The following IQANK1 variants were observed in gnomAD, a reference collection of about 807,000 sequenced individuals.
IQANK1 encodes IQ motif and ankyrin repeat domain-containing protein 1.
In IQANK1, 30 loss-of-function variants were observed where a neutral mutation model predicts 22.6. That is an observed-to-expected ratio of 1.33 (90% CI 0.99 to 1.80). The LOEUF (loss-of-function observed/expected upper bound fraction) is 1.80. IQANK1 is among the 40% of genes most tolerant of loss of function. The pLI is 0.00. For synonymous variants in IQANK1, 122 were observed against 99.6 expected, an observed-to-expected ratio of 1.23 and a Z score of -1.34; for missense variants, 275 against 235.2, an observed-to-expected ratio of 1.17 and a Z score of -1.11.
intron 2 of IQANK1, 38 bp from the exon 3 acceptor site, chr8:143,739,821 C>T (rs1377361299): frequency 1.5e-6 from 1 of 679,736 alleles, no homozygotes; most frequent in African/African-American, 1.8e-5. Context: ...GGATGGGGGT[C>T]TCTCATCCCA....
chr8:143,749,698 G>C (rs997987397), intron 3 of IQANK1, among the ~76,000 whole-genome samples: 1 of 148,290 alleles, frequency 6.7e-6, no homozygotes, highest in Non-Finnish European at 1.5e-5. Context: ...TGGTACCTGG[G>C]ATTATAGGTG....
intron 1 of IQANK1, among the ~76,000 whole-genome samples, chr8:143,734,445 C>A (rs1418133167): frequency 1.3e-5 from 2 of 151,334 alleles, no homozygotes; most frequent in Non-Finnish European, 3.0e-5. Context: ...CCCCTCACAC[C>A]GATGCCCACA....
Position 143,771,720 on chromosome 8 carries a change from G to A in IQANK1, c.307-81G>A, listed in dbSNP as rs953734231. The A allele has an allele frequency of 7.6e-6, 3 of 397,112 alleles. No individual in the cohort carries two copies. Among genetic ancestry groups the A allele is most frequent in the Admixed American group, 4.4e-5 (1 of 22,638 alleles). The allele number at this position is 397,112 out of a possible 1,614,324, so 24.6% of individuals were successfully genotyped here. On this transcript the variant is annotated intron_variant, in intron 4 of 13. Transcript: ENST00000527139. This position sits in a 1 kb window ranked among gnomAD's most constrained non-coding sequence, Gnocchi z 6.0. ...GGGGGTGAGGCTCAGATCGGGCTCC[G>A]ACCTCAGAGGCGTGGACCGTGGCCT...
intron 3 of IQANK1, chr8:143,744,022 C>T: frequency 6.4e-6 from 2 of 314,498 alleles, no homozygotes; most frequent in Non-Finnish European, 6.3e-6. Context: ...TTAGTAGAGA[C>T]AGGGTTTCAC....
chr8:143,774,762 G>A lies in IQANK1; in HGVS notation c.789+2280G>A, dbSNP rs1303966790. 2.0e-5 allele frequency among the ~76,000 whole-genome samples: 3 copies of A among 152,240 alleles called. No homozygotes were observed. The highest frequency in any genetic ancestry group is 4.8e-5 in the African/African-American group (2 of 41,456). Reference sequence around the variant, plus strand: ...GTGGAAACGACTCAGATGTCCTCCAGCAGGCGAGTGGCTCCACTAGCTTGG... The same window carrying A: ...GTGGAAACGACTCAGATGTCCTCCAACAGGCGAGTGGCTCCACTAGCTTGG... On this transcript the variant is annotated intron_variant, in intron 7 of 13. Transcript: ENST00000527139. This position sits in a 1 kb window ranked among gnomAD's most constrained non-coding sequence, Gnocchi z 4.2.
rs1818653506 is a variant in IQANK1 at position 143,734,186 on chromosome 8, C to T, written c.-38C>T. ...CCGACGCCAGGGGCGGAGCTCTGGCCTCCTCGCCGAGTTGGGGGAGGCAGG... is the reference window on the plus strand; with the variant it reads ...CCGACGCCAGGGGCGGAGCTCTGGCTTCCTCGCCGAGTTGGGGGAGGCAGG... On this transcript the variant is annotated 5_prime_UTR_variant, in exon 1 of 14. Coordinates refer to ENST00000527139, the MANE Select transcript of IQANK1 (RefSeq NM_001381874.1). 1 of 152,202 alleles carries T rather than the reference C, an allele frequency of 6.6e-6. No homozygotes were observed. 9.4% of individuals were successfully genotyped at this position (152,202 alleles called of 1,614,324 possible). A position where few individuals can be genotyped will look rare whatever the true frequency, so the allele number is the denominator to read the frequency against.
chr8:143,768,807 A>G (rs946572701), intron 3 of IQANK1, among the ~76,000 whole-genome samples: 16 of 152,120 alleles, frequency 1.1e-4, no homozygotes, highest in African/African-American at 3.9e-4. Flanking sequence ...CCTTCCCAAG[A>G]TTGCTTATTG....
At chr8:143,782,777 C>T (rs1819820503) in intron 7 of IQANK1, among the ~76,000 whole-genome samples, 1 of 152,224 alleles carries the variant, frequency 6.6e-6, no homozygotes, top group Admixed American at 6.5e-5. Context: ...TGCCTGGCCT[C>T]TTGCTTTTCT....
intron 7 of IQANK1, among the ~76,000 whole-genome samples, chr8:143,787,036 G>C (rs1178444304): frequency 6.6e-6 from 1 of 152,186 alleles, no homozygotes; most frequent in Non-Finnish European, 1.5e-5. Flanking sequence ...TTGACGCCTA[G>C]GGGAAACTGC....
chr8:143,790,255 C>T lies in IQANK1; in HGVS notation c.1408C>T (p.Leu470=), dbSNP rs1295012482. ...PLRPETMWLA[L]LGALRYGKPL... is the part of the protein sequence containing the mutation. ...GAGGCCGGAGACGATGTGGCTGGCTCTGCTGGGGGCTCTGCGGTGAGGCAG... is the reference window on the plus strand; with the variant it reads ...GAGGCCGGAGACGATGTGGCTGGCTTTGCTGGGGGCTCTGCGGTGAGGCAG... The change falls in exon 13 of 14, where the codon CTG becomes TTG. Residue 470 remains leucine, a synonymous_variant. Coordinates refer to ENST00000527139, the MANE Select transcript of IQANK1 (RefSeq NM_001381874.1). The T allele has an allele frequency of 8.1e-7, 1 of 1,232,140 alleles. No individual in the cohort carries two copies. Among genetic ancestry groups the T allele is most frequent in the Non-Finnish European group, 1.0e-6 (1 of 988,018 alleles). The allele number at this position is 1,232,140 out of a possible 1,614,324, so 76.3% of individuals were successfully genotyped here.
intron 3 of IQANK1, among the ~76,000 whole-genome samples, chr8:143,764,425 G>A (rs1158550918): frequency 5.3e-5 from 8 of 149,690 alleles, no homozygotes; most frequent in African/African-American, 2.0e-4. Flanking sequence ...GACCAGCCTG[G>A]GCAACATGGT....
intron 3 of IQANK1, among the ~76,000 whole-genome samples, chr8:143,753,878 ACT>A (rs1373477067): frequency 1.3e-5 from 2 of 151,582 alleles, no homozygotes; most frequent in African/African-American, 2.4e-5. Flanking sequence ...TAATGTGGTA[ACT>A]CTGGAAATCA....
intron 3 of IQANK1, among the ~76,000 whole-genome samples, chr8:143,743,449 T>G (rs553019894): frequency 6.6e-6 from 1 of 152,316 alleles, no homozygotes; most frequent in African/African-American, 2.4e-5. Context: ...TTTTTTCGTC[T>G]TTACAATTTT....
Position 143,775,135 on chromosome 8 carries a change from G to A in IQANK1, c.789+2653G>A, listed in dbSNP as rs1399793109. ...GATACACACACACACACGAGTAGAT[G>A]TGAAATAGTTGAAATCCACTGTGAG... On this transcript the variant is annotated intron_variant, in intron 7 of 13. Transcript: ENST00000527139. 6.6e-5 allele frequency among the ~76,000 whole-genome samples: 10 copies of A among 150,740 alleles called. 1 individual carries two copies. Among genetic ancestry groups the A allele is most frequent in the Non-Finnish European group, 1.5e-4 (10 of 67,714 alleles).
At chr8:143,787,538 C>T (rs570260343) in intron 7 of IQANK1, among the ~76,000 whole-genome samples, 1 of 152,348 alleles carries the variant, frequency 6.6e-6, no homozygotes, top group East Asian at 1.9e-4. Context: ...TCCCTCTCGT[C>T]TGCTGTGTCT....
chr8:143,743,710 C>T (rs1818970296), intron 3 of IQANK1: 1 of 312,620 alleles, frequency 3.2e-6, no homozygotes, highest in Non-Finnish European at 6.3e-6. Context: ...GAAACGGCAT[C>T]TGCCTCACAG....
chr8:143,776,348 AAAAG>A (rs1439902521), intron 7 of IQANK1, among the ~76,000 whole-genome samples: 35 of 151,454 alleles, frequency 2.3e-4, no homozygotes, highest in African/African-American at 4.1e-4. Context: ...AAAAAAAAGA[AAAAG>A]AAAAAAGAAA....
At chr8:143,754,423 G>A (rs1032715689) in intron 3 of IQANK1, among the ~76,000 whole-genome samples, 3 of 152,132 alleles carry the variant, frequency 2.0e-5, no homozygotes, top group East Asian at 1.9e-4. Flanking sequence ...CTCAAGGATC[G>A]ACTGGGGAAG....
rs552603055 is a variant in IQANK1, at chr8:143,739,612, A to T, written c.86-247A>T. 42 of 414,124 alleles carry T rather than the reference A, an allele frequency of 1.0e-4. 1 individual carries two copies. Among genetic ancestry groups the T allele is most frequent in the African/African-American group, 6.8e-4 (33 of 48,592 alleles). The allele number at this position is 414,124 out of a possible 1,614,324, so 25.7% of individuals were successfully genotyped here. A position where few individuals can be genotyped will look rare whatever the true frequency, so the allele number is the denominator to read the frequency against. On this transcript the variant is annotated intron_variant, in intron 2 of 13. Coordinates refer to ENST00000527139, the MANE Select transcript of IQANK1 (RefSeq NM_001381874.1). ...CCCATCCTTGGGCCCACAAGAGCCC[A>T]GGTGCCTTCCTGCGGGCTGGCTCTC...
Sources: allele counts gnomAD v4.1 joint callset (sites outside exome capture counted in the v4.1 genomes callset), GRCh38; gene constraint gnomAD v4.1.1; non-coding constraint Gnocchi (gnomAD v3.1); transcripts MANE v1.5; gene names NCBI Gene and HGNC (gene_info 2026-07-23, HGNC 2026-07-21).